Variants in WLS observed in about 807,000 individuals in gnomAD.
The protein encoded by WLS is protein wntless homolog.
In WLS, 23 loss-of-function variants were observed where a neutral mutation model predicts 62.8. That is an observed-to-expected ratio of 0.37 (90% CI 0.26 to 0.52). WLS has a LOEUF of 0.52. WLS is among the 20% of genes least tolerant of loss of function. The pLI is 0.92. For synonymous variants in WLS, 246 were observed against 244.1 expected, an observed-to-expected ratio of 1.01 and a Z score of -0.07; for missense variants, 615 against 697.3, an observed-to-expected ratio of 0.88 and a Z score of 1.33.
chr1:68,206,752 C>T (rs1037349166), intron 1 of WLS, among the ~76,000 whole-genome samples: 1 of 152,160 alleles, frequency 6.6e-6, no homozygotes, highest in East Asian at 1.9e-4. Flanking sequence ...TTAGTTTTCT[C>T]AACTGTAAAA....
At chr1:68,124,870 C>T (rs1008826583), downstream of WLS, among the ~76,000 whole-genome samples, 3 of 152,116 alleles carry the variant, frequency 2.0e-5, no homozygotes, top group Admixed American at 1.3e-4. Context: ...GTTTTAGACT[C>T]CAGGAAAAAC....
Position 68,194,141 on chromosome 1 carries a change from G to A in WLS, c.193C>T (p.Pro65Ser), listed in dbSNP as rs1368725790. 6.2e-7 allele frequency: 1 copy of A among 1,614,178 alleles called. No individual in the cohort carries two copies. Among genetic ancestry groups the A allele is most frequent in the South Asian group, 1.1e-5 (1 of 91,078 alleles). ...KNHHKTKWFV[P>S]WGPNHCDKIR... is the part of the protein sequence containing the mutation. ...TTGTCACAATGATTGGGTCCCCAAG[G>A]CACGAACCATTTTGTCTTGTGATGG... Residue 65 changes from proline (P) to serine (S), a missense_variant, in exon 2 of 12, where the codon CCT (proline) becomes TCT (serine). By Grantham distance (74) the Pro-to-Ser change is moderately conservative. Coordinates refer to ENST00000262348, the MANE Select transcript of WLS (RefSeq NM_024911.7).
At chr1:68,110,688 T>TCTCTCTCTCTCTCTCTCTCC (rs1390457595) in intron 11 of WLS, among the ~76,000 whole-genome samples, 2 of 149,970 alleles carry the variant, frequency 1.3e-5, no homozygotes, top group African/African-American at 4.9e-5. Context: ...TCTCTCTCTC[T>TCTCTCTCTCTCTCTCTCTCC]CTCCATATAT....
intron 2 of WLS, among the ~76,000 whole-genome samples, chr1:68,178,894 A>C (rs1186009504): frequency 6.6e-6 from 1 of 152,158 alleles, no homozygotes; most frequent in African/African-American, 2.4e-5. Flanking sequence ...GTTTTCAGAT[A>C]CTGAACTGCT....
chr1:68,119,459 C>A (rs1202714204), intron 11 of WLS, among the ~76,000 whole-genome samples: 1 of 152,152 alleles, frequency 6.6e-6, no homozygotes, highest in East Asian at 1.9e-4. Context: ...GCCATGGGTG[C>A]CTCACCCATA....
chr1:68,113,684 C>T (rs1423578540), intron 11 of WLS, among the ~76,000 whole-genome samples: 1 of 152,166 alleles, frequency 6.6e-6, no homozygotes, highest in African/African-American at 2.4e-5. Flanking sequence ...GCTGCATCAG[C>T]ACCTCCAGGG....
intron 1 of WLS, among the ~76,000 whole-genome samples, chr1:68,221,288 C>T (rs1213657192): frequency 1.3e-5 from 2 of 152,170 alleles, no homozygotes; most frequent in Non-Finnish European, 2.9e-5. Context: ...CCACAGTTGC[C>T]TGTCACAGCC....
At chr1:68,137,177 T>G (rs966436795) in intron 11 of WLS, among the ~76,000 whole-genome samples, 1 of 152,220 alleles carries the variant, frequency 6.6e-6, no homozygotes, top group Non-Finnish European at 1.5e-5. Flanking sequence ...ATCTATAAAA[T>G]GACTGGATTC....
intron 11 of WLS, among the ~76,000 whole-genome samples, chr1:68,115,359 C>G (rs1055654195): frequency 6.6e-6 from 1 of 152,206 alleles, no homozygotes; most frequent in Non-Finnish European, 1.5e-5. Flanking sequence ...GGATAAATTG[C>G]CCCTGCTTCT....
intron 7 of WLS, 51 bp from the exon 8 acceptor site, chr1:68,148,250 C>T (rs2303949): frequency 0.17 from 267,919 of 1,586,914 alleles, 24,336 homozygotes; most frequent in East Asian, 0.36. Flanking sequence ...ACAAAGGCAA[C>T]GGGAACTTTC....
At chr1:68,214,031 C>T (rs1178375182) in intron 1 of WLS, among the ~76,000 whole-genome samples, 8 of 152,294 alleles carry the variant, frequency 5.3e-5, no homozygotes, top group East Asian at 1.9e-4. Context: ...GCTGCTGGGA[C>T]ATCCTGTTGC....
At chr1:68,131,088 T>TGTGTGTGTGTGTGTG (rs1557462873) in intron 11 of WLS, among the ~76,000 whole-genome samples, 5 of 66,456 alleles carry the variant, frequency 7.5e-5, no homozygotes, top group African/African-American at 2.1e-4. Flanking sequence ...GTGTGTGTGT[T>TGTGTGTGTGTGTGTG]TTTAAGTAGA....
chr1:68,232,346 G>A lies in WLS; in HGVS notation c.-47C>T, dbSNP rs776659548. 4 of 1,598,200 alleles carry A rather than the reference G, an allele frequency of 2.5e-6. No homozygotes were observed. The Admixed American group carries it at 5.2e-5, about 21-fold the overall frequency. On this transcript the variant is annotated 5_prime_UTR_variant, in exon 1 of 12. Transcript: ENST00000262348. ...TTTCTCCTTGAAATAAATGTTTTAG[G>A]GTGAGCTTTTTGCTCCCTCCTCTCA...
At chr1:68,219,719 T>G (rs1229316629) in intron 1 of WLS, among the ~76,000 whole-genome samples, 1 of 152,236 alleles carries the variant, frequency 6.6e-6, no homozygotes, top group Non-Finnish European at 1.5e-5. Context: ...AGCTTACAGT[T>G]TGACAGAGGT....
chr1:68,106,716 C>CTGTGTG lies in WLS; in HGVS notation c.1511-7969_1511-7964dup, dbSNP rs59601112. 6.9e-3 allele frequency among the ~76,000 whole-genome samples: 1,008 copies of CTGTGTG among 146,804 alleles called. 12 individuals carry two copies. Among genetic ancestry groups the CTGTGTG allele is most frequent in the African/African-American group, 0.021 (823 of 39,452 alleles). ...GAAACGCGTGTGCATGTGTTTGTCA[C>CTGTGTG]TGTGTGTGTGTGTGTGTGTGTGTGT... is the stretch of plus-strand genomic sequence containing the variant. On this transcript the variant is annotated intron_variant, in intron 11 of 11. Coordinates refer to the WLS transcript ENST00000354777.
At chr1:68,199,221 C>T (rs949062202) in intron 1 of WLS, among the ~76,000 whole-genome samples, 1 of 152,082 alleles carries the variant, frequency 6.6e-6, no homozygotes, top group African/African-American at 2.4e-5. Flanking sequence ...CACCTAGGAG[C>T]ATTACTATTA....
Position 68,137,922 on chromosome 1 carries a change from G to A in WLS, c.1374C>T (p.Gly458=). Residue 458 remains glycine, a synonymous_variant, in exon 11 of 12, where the codon GGC becomes GGT. Transcript: ENST00000262348. ...CTGTGACGCCGCCCCATTTCCAATGGCCTTCCGTTACCTGCGGAGAAAGGA... is the reference window on the plus strand; with the variant it reads ...CTGTGACGCCGCCCCATTTCCAATGACCTTCCGTTACCTGCGGAGAAAGGA... The part of the protein sequence containing the change: ...IFFIVSQVTE[G]HWKWGGVTVQ... 6.2e-7 allele frequency: 1 copy of A among 1,613,828 alleles called. No homozygotes were observed. The highest frequency in any genetic ancestry group is 8.5e-7 in the Non-Finnish European group (1 of 1,179,820).
chr1:68,213,017 G>A (rs1340094973), intron 1 of WLS, among the ~76,000 whole-genome samples: 1 of 152,174 alleles, frequency 6.6e-6, no homozygotes, highest in African/African-American at 2.4e-5. Context: ...AACCTAACAT[G>A]TCTGAAGATT....
intron 1 of WLS, among the ~76,000 whole-genome samples, chr1:68,205,086 G>A (rs925870000): frequency 2.6e-5 from 4 of 152,082 alleles, no homozygotes; most frequent in African/African-American, 9.7e-5. Context: ...TTTTTTAAAT[G>A]CCATAGTGGA....
Sources: gnomAD v4.1 joint callset for allele counts (sites outside exome capture counted in the v4.1 genomes callset) on GRCh38, gnomAD v4.1.1 for gene constraint, MANE v1.5 for transcripts, NCBI Gene and HGNC (gene_info 2026-07-23, HGNC 2026-07-21) for gene names.